RASAL2: variants seen among roughly 807,000 people sequenced by gnomAD.
RASAL2 encodes ras GTPase-activating protein nGAP.
Under a neutral mutation model 128.9 loss-of-function variants are expected in RASAL2, and 58 were observed. The ratio of observed to expected loss-of-function variants is 0.45; its 90% CI spans 0.36 to 0.56. RASAL2 has a LOEUF of 0.56. RASAL2 is among the 20% of genes least tolerant of loss of function. The probability of loss-of-function intolerance (pLI) is 0.00; values close to 1 mark genes in which losing one functional copy is unlikely to be tolerated. For synonymous variants in RASAL2, 561 were observed against 580.8 expected (o/e 0.97, Z 0.49); for missense variants, 1,360 against 1,601.6 (o/e 0.85, Z 2.57).
At chr1:178,460,405 C>T (rs1678103281) in intron 14 of RASAL2, among the ~76,000 whole-genome samples, 1 of 151,682 alleles carries the variant, frequency 6.6e-6, no homozygotes, top group Non-Finnish European at 1.5e-5. Flanking sequence ...CTTTTTTGTG[C>T]TCATCTGGAA....
At chr1:178,274,401 T>C (rs552396784) in intron 1 of RASAL2, among the ~76,000 whole-genome samples, 2 of 152,212 alleles carry the variant, frequency 1.3e-5, no homozygotes, top group East Asian at 1.9e-4. Flanking sequence ...TATATTAATA[T>C]AGGGAGAGAT....
intron 4 of RASAL2, among the ~76,000 whole-genome samples, chr1:178,393,735 A>G (rs748886716): frequency 3.9e-5 from 6 of 152,182 alleles, no homozygotes; most frequent in African/African-American, 1.4e-4. Context: ...TCTGTCCCTC[A>G]TTAGACAACA....
chr1:178,394,013 T>G (rs1291620156), intron 4 of RASAL2, among the ~76,000 whole-genome samples: 2 of 152,200 alleles, frequency 1.3e-5, no homozygotes, highest in African/African-American at 2.4e-5. Flanking sequence ...ATTTTTTTCC[T>G]TAAAGAGAGA....
At chr1:178,136,381 T>C (rs1281204993) in intron 1 of RASAL2, among the ~76,000 whole-genome samples, 1 of 152,180 alleles carries the variant, frequency 6.6e-6, no homozygotes, top group Non-Finnish European at 1.5e-5. Context: ...TCTAGAATAA[T>C]AGTATCTAAG....
Position 178,441,880 on chromosome 1 carries a change from C to T in RASAL2, c.927+233C>T, listed in dbSNP as rs1676677802. ...TTGGCTCACGGTTCTGCAGGCTTTACAGGAAGCATGGTGCTGTTATCTGCT... is the reference window on the plus strand; with the variant it reads ...TTGGCTCACGGTTCTGCAGGCTTTATAGGAAGCATGGTGCTGTTATCTGCT... On this transcript the variant is annotated intron_variant, in intron 7 of 17. Transcript: ENST00000367649. 8.5e-5 allele frequency among the ~76,000 whole-genome samples: 13 copies of T among 152,204 alleles called. No homozygotes were observed. In the South Asian group the frequency reaches 2.7e-3, roughly 32 times the overall value.
Position 178,302,385 on chromosome 1 carries a change from T to A in RASAL2, c.457+2267T>A, listed in dbSNP as rs181289534. ...AGCAATAAACAGGAAACAAAAAAAA[T>A]TAAATATCCTGTTTAATATAGCATC... On this transcript the variant is annotated intron_variant, in intron 3 of 17. Coordinates refer to ENST00000367649, the MANE Select transcript of RASAL2 (RefSeq NM_170692.4). Among the ~76,000 whole-genome samples, 45 of 152,076 alleles carry A rather than the reference T, an allele frequency of 3.0e-4. No homozygotes were observed. In the East Asian group the frequency reaches 8.3e-3, roughly 28 times the overall value.
chr1:178,102,314 A>AT (rs972647449), intron 1 of RASAL2, among the ~76,000 whole-genome samples: 10 of 151,720 alleles, frequency 6.6e-5, no homozygotes, highest in South Asian at 2.1e-4. Context: ...GATAACTATC[A>AT]TTTTTTTTTA....
At chr1:178,096,416 T>C (rs950152948) in intron 1 of RASAL2, among the ~76,000 whole-genome samples, 1 of 152,048 alleles carries the variant, frequency 6.6e-6, no homozygotes. Flanking sequence ...GTATGTTGTT[T>C]TGTAGTCCAT....
intron 4 of RASAL2, among the ~76,000 whole-genome samples, chr1:178,404,252 A>T (rs1673841150): frequency 6.6e-6 from 1 of 151,624 alleles, no homozygotes; most frequent in South Asian, 2.1e-4. Context: ...AAATTAAGGG[A>T]CAAGTGACTA....
At chr1:178,237,854 C>A (rs568037010) in intron 1 of RASAL2, among the ~76,000 whole-genome samples, 1 of 152,300 alleles carries the variant, frequency 6.6e-6, no homozygotes, top group African/African-American at 2.4e-5. Flanking sequence ...TACTGAAACT[C>A]TGTACCCATT....
chr1:178,246,567 C>T (rs1664774616), intron 1 of RASAL2, among the ~76,000 whole-genome samples: 1 of 152,140 alleles, frequency 6.6e-6, no homozygotes, highest in Admixed American at 6.5e-5. Flanking sequence ...ATTTCTTTCT[C>T]TTGCCTGATG....
At chr1:178,206,711 A>G (rs946178210) in intron 1 of RASAL2, among the ~76,000 whole-genome samples, 3 of 152,216 alleles carry the variant, frequency 2.0e-5, no homozygotes, top group East Asian at 3.8e-4. Flanking sequence ...AGAAAAGTAA[A>G]GATTTGACAA....
chr1:178,304,085 T>C (rs546962296), intron 3 of RASAL2, among the ~76,000 whole-genome samples: 1 of 152,070 alleles, frequency 6.6e-6, no homozygotes, highest in African/African-American at 2.4e-5. Flanking sequence ...TTAAAGAAAA[T>C]TTTAAAAAGA....
At chr1:178,377,567 G>A (rs1212355131) in intron 3 of RASAL2, among the ~76,000 whole-genome samples, 1 of 152,162 alleles carries the variant, frequency 6.6e-6, no homozygotes, top group Admixed American at 6.5e-5. Flanking sequence ...AAAGGCCTAT[G>A]TCATTCTTCC....
chr1:178,218,041 T>C lies in RASAL2; in HGVS notation c.203-65523T>C, dbSNP rs1663485735. On this transcript the variant is annotated intron_variant, in intron 1 of 17. Transcript: ENST00000367649. ...AGAAGCCGCTTTCTTTGCTTATCCATAAGAAGCAACTCCTCACCCATTCAA... is the reference window on the plus strand; with the variant it reads ...AGAAGCCGCTTTCTTTGCTTATCCACAAGAAGCAACTCCTCACCCATTCAA... Among the ~76,000 whole-genome samples, 3 of 152,114 alleles carry C rather than the reference T, an allele frequency of 2.0e-5. No homozygotes were observed. The Admixed American group carries it at 2.0e-4, about 10-fold the overall frequency.
chr1:178,196,246 T>G (rs1662654576), intron 1 of RASAL2, among the ~76,000 whole-genome samples: 1 of 152,128 alleles, frequency 6.6e-6, no homozygotes, highest in Non-Finnish European at 1.5e-5. Context: ...GCCTTACGAA[T>G]TTGGGGGCCA....
At chr1:178,346,275 A>C (rs1670149817) in intron 3 of RASAL2, among the ~76,000 whole-genome samples, 1 of 151,962 alleles carries the variant, frequency 6.6e-6, no homozygotes, top group African/African-American at 2.4e-5. Context: ...CGTGGCATGC[A>C]CCTCTAGTCC....
At chr1:178,148,935 C>T (rs555355399) in intron 1 of RASAL2, among the ~76,000 whole-genome samples, 16 of 152,182 alleles carry the variant, frequency 1.1e-4, no homozygotes, top group African/African-American at 2.9e-4. Flanking sequence ...TCTCTTTCTC[C>T]GATCTGGAAA....
intron 5 of RASAL2, 148 bp downstream of exon 5, chr1:178,420,768 A>T (rs917525581): frequency 1.7e-6 from 1 of 581,846 alleles, no homozygotes; most frequent in African/African-American, 1.9e-5. Context: ...TTAAGGCAAG[A>T]TACAAAATAT....
Sources: allele counts gnomAD v4.1 joint callset (sites outside exome capture counted in the v4.1 genomes callset), GRCh38; gene constraint gnomAD v4.1.1; transcripts MANE v1.5; gene names NCBI Gene and HGNC (gene_info 2026-07-23, HGNC 2026-07-21).